Variants in STT3B observed in about 807,000 individuals in gnomAD.
STT3B encodes the protein STT3 oligosaccharyltransferase complex catalytic subunit B.
STT3B carries 29 observed loss-of-function variants against 96.8 expected under a neutral mutation model. The ratio of observed to expected loss-of-function variants is 0.30; its 90% confidence interval spans 0.22 to 0.41. STT3B has a LOEUF of 0.41. STT3B is among the 10% of genes least tolerant of loss of function. The probability of loss-of-function intolerance (pLI) is 1.00; values close to 1 mark genes in which losing one functional copy is unlikely to be tolerated. For missense variants in STT3B, 640 were observed against 1,022.3 expected, an observed-to-expected ratio of 0.63 and a Z score of 5.10; for synonymous variants, 367 against 360.0, an observed-to-expected ratio of 1.02 and a Z score of -0.22.
intron 3 of STT3B, among the ~76,000 whole-genome samples, chr3:31,583,371 A>G (rs949462454): frequency 9.9e-5 from 15 of 151,928 alleles, no homozygotes; most frequent in Admixed American, 5.2e-4. Flanking sequence ...AGGTTTCACC[A>G]TGTTGCCCAG....
intron 3 of STT3B, among the ~76,000 whole-genome samples, chr3:31,594,004 G>A (rs1354491602): frequency 1.3e-5 from 2 of 151,990 alleles, no homozygotes; most frequent in East Asian, 1.9e-4. Context: ...GCTTACCCTT[G>A]TTATTTTTAA....
At chr3:31,602,431 C>T (rs576370706) in intron 5 of STT3B, among the ~76,000 whole-genome samples, 46 of 151,510 alleles carry the variant, frequency 3.0e-4, no homozygotes, top group African/African-American at 1.0e-3. Flanking sequence ...CAGAGGAATA[C>T]AAGAGAGAGA....
At position 31,571,948 on chromosome 3, in the gene STT3B, TTAAA is replaced by T. The variant is rs1698151244; in HGVS notation, c.315-4445_315-4442del. On this transcript the variant is annotated intron_variant, in intron 1 of 15. Coordinates refer to ENST00000295770, the MANE Select transcript of STT3B (RefSeq NM_178862.3). ...TATATCATATATATTATATATAATA[TTAAA>T]TATATATTAAAATATTAAATATATC... is the stretch of plus-strand genomic sequence containing the variant. Among the ~76,000 whole-genome samples the T allele has an allele frequency of 2.2e-5, 3 of 137,778 alleles. No homozygotes were observed. The South Asian group carries it at 6.4e-4, about 30-fold the overall frequency. 90.4% of individuals were successfully genotyped at this position (137,778 alleles called of 152,430 possible).
At chr3:31,606,644 C>T (rs575264442) in intron 5 of STT3B, among the ~76,000 whole-genome samples, 1 of 152,280 alleles carries the variant, frequency 6.6e-6, no homozygotes, top group African/African-American at 2.4e-5. Flanking sequence ...GATGTCCAGG[C>T]AGAAGTTTGC....
intron 1 of STT3B, among the ~76,000 whole-genome samples, chr3:31,539,177 T>G (rs983362454): frequency 1.1e-4 from 17 of 152,256 alleles, no homozygotes; most frequent in Non-Finnish European, 2.2e-4. Context: ...AATTAGTGAA[T>G]GCCTCTTTAT....
rs374116624 is a variant in STT3B, at chr3:31,596,833, A to G, written c.747A>G (p.Thr249=). 24 of 1,612,868 alleles carry G rather than the reference A, an allele frequency of 1.5e-5. No individual in the cohort carries two copies. The highest frequency in any genetic ancestry group is 2.0e-5 in the Non-Finnish European group (23 of 1,179,358). Residue 249 remains threonine (T), a synonymous_variant, in exon 4 of 16, where the codon ACA becomes ACG. Coordinates refer to ENST00000295770, the MANE Select transcript of STT3B (RefSeq NM_178862.3). ...TAAAAACTGGGTCAGTTTTTTGGAC[A>G]ATGTGCTGCTGCTTATCCTATTTCT... ...KSVKTGSVFW[T]MCCCLSYFYM...
chr3:31,567,138 T>C (rs1698025237), intron 1 of STT3B, among the ~76,000 whole-genome samples: 1 of 152,186 alleles, frequency 6.6e-6, no homozygotes, highest in African/African-American at 2.4e-5. Context: ...TTTTGATAGA[T>C]AGAAACTTTA....
chr3:31,537,740 A>G (rs1451293551), intron 1 of STT3B, among the ~76,000 whole-genome samples: 2 of 152,218 alleles, frequency 1.3e-5, no homozygotes, highest in Non-Finnish European at 2.9e-5. Context: ...ATAAGGATTT[A>G]CATCATAATC....
chr3:31,547,015 C>T (rs1697430437), intron 1 of STT3B, among the ~76,000 whole-genome samples: 1 of 152,166 alleles, frequency 6.6e-6, no homozygotes, highest in Admixed American at 6.5e-5. Context: ...TGTTGTACCC[C>T]TTCCCCTCCA....
At chr3:31,625,912 G>T in intron 12 of STT3B, 42 bp from the exon 13 acceptor site, 1 of 1,492,238 alleles carries the variant, frequency 6.7e-7, no homozygotes, top group South Asian at 1.3e-5. Context: ...TATGAATGTG[G>T]GAATAATCAA....
chr3:31,625,129 C>G, intron 12 of STT3B, 44 bp downstream of exon 12: 2 of 1,549,158 alleles, frequency 1.3e-6, no homozygotes, highest in Non-Finnish European at 8.8e-7. Context: ...TTTATTCACT[C>G]CTTAGCAATC....
chr3:31,615,632 A>C (rs1180873304), intron 6 of STT3B, among the ~76,000 whole-genome samples: 1 of 151,882 alleles, frequency 6.6e-6, no homozygotes, highest in Non-Finnish European at 1.5e-5. Flanking sequence ...TCACTTTACC[A>C]AGTAGTAATT....
At chr3:31,541,194 T>C (rs1180615094) in intron 1 of STT3B, among the ~76,000 whole-genome samples, 2 of 152,186 alleles carry the variant, frequency 1.3e-5, no homozygotes, top group Non-Finnish European at 2.9e-5. Flanking sequence ...CAATTTTCTT[T>C]TATGATGAAG....
intron 3 of STT3B, among the ~76,000 whole-genome samples, chr3:31,586,761 T>C (rs1698547841): frequency 6.6e-6 from 1 of 152,178 alleles, no homozygotes; most frequent in African/African-American, 2.4e-5. Flanking sequence ...CCTTATGTTG[T>C]TTTCATTAGT....
intron 4 of STT3B, among the ~76,000 whole-genome samples, chr3:31,597,129 AT>A (rs201901095): frequency 1.3e-5 from 2 of 151,832 alleles, no homozygotes; most frequent in African/African-American, 4.8e-5. Context: ...TTTATTAAGA[AT>A]TTTTTTTAAT....
intron 2 of STT3B, among the ~76,000 whole-genome samples, chr3:31,578,430 G>A (rs1216880622): frequency 6.6e-6 from 1 of 151,904 alleles, no homozygotes; most frequent in South Asian, 2.1e-4. Context: ...GGTTTTATTT[G>A]TTGATTTATT....
chr3:31,567,285 C>T (rs962893265), intron 1 of STT3B, among the ~76,000 whole-genome samples: 1 of 152,178 alleles, frequency 6.6e-6, no homozygotes, highest in African/African-American at 2.4e-5. Context: ...CCCTCCTTTA[C>T]TACTAATATT....
intron 3 of STT3B, among the ~76,000 whole-genome samples, chr3:31,589,758 A>G (rs1356527425): frequency 6.6e-6 from 1 of 151,998 alleles, no homozygotes; most frequent in Non-Finnish European, 1.5e-5. Flanking sequence ...AGGATTTTCT[A>G]CATACAAGAT....
intron 15 of STT3B, 148 bp from the exon 16 acceptor site, chr3:31,635,836 G>A: frequency 1.8e-6 from 1 of 545,940 alleles, no homozygotes; most frequent in South Asian, 3.1e-5. Context: ...CAGTTTAGTG[G>A]TGTTCACTGA....
Sources: gnomAD v4.1 joint callset for allele counts (sites outside exome capture counted in the v4.1 genomes callset) on GRCh38, gnomAD v4.1.1 for gene constraint, MANE v1.5 for transcripts, NCBI Gene and HGNC (gene_info 2026-07-23, HGNC 2026-07-21) for gene names.